PLCB1: variants seen among roughly 807,000 people sequenced by gnomAD.
PLCB1 encodes the protein phospholipase C beta 1.
PLCB1 carries 46 observed loss-of-function variants against 161.8 expected under a neutral mutation model. That is an observed-to-expected ratio of 0.28 (90% CI 0.22 to 0.36). The LOEUF (loss-of-function observed/expected upper bound fraction) is 0.36, where lower values mean the gene tolerates loss of function less well. Among genes scored for constraint, PLCB1 ranks in the 10% least tolerant of loss-of-function variants. PLCB1 has a pLI of 1.00. For missense variants in PLCB1, 1,016 were observed against 1,472.5 expected, an observed-to-expected ratio of 0.69 and a Z score of 5.07; for synonymous variants, 517 against 503.7, an observed-to-expected ratio of 1.03 and a Z score of -0.35.
At chr20:8,738,944 G>A (rs575649365) in intron 20 of PLCB1, among the ~76,000 whole-genome samples, 17 of 152,300 alleles carry the variant, frequency 1.1e-4, no homozygotes, top group African/African-American at 3.9e-4. Flanking sequence ...GAGGTCGGGA[G>A]TTCGAGACCA....
intron 3 of PLCB1, among the ~76,000 whole-genome samples, chr20:8,464,313 G>A (rs1981716655): frequency 6.6e-6 from 1 of 152,076 alleles, no homozygotes; most frequent in South Asian, 2.1e-4. Context: ...TAAATCTGAG[G>A]TTTGAGGTAA....
chr20:8,676,300 G>T (rs1990072603), intron 9 of PLCB1, among the ~76,000 whole-genome samples: 1 of 152,152 alleles, frequency 6.6e-6, no homozygotes, highest in African/African-American at 2.4e-5. Context: ...GGCAGAGGTT[G>T]CAGTGAGGCA....
chr20:8,329,634 T>C (rs775252559), intron 2 of PLCB1, among the ~76,000 whole-genome samples: 1 of 152,230 alleles, frequency 6.6e-6, no homozygotes, highest in Non-Finnish European at 1.5e-5. Context: ...TGTGCAATGA[T>C]AATGTCACTG....
intron 2 of PLCB1, among the ~76,000 whole-genome samples, chr20:8,340,598 TG>T (rs1222782884): frequency 6.6e-6 from 1 of 151,838 alleles, no homozygotes; most frequent in Admixed American, 6.6e-5. Flanking sequence ...AATTTTTTTG[TG>T]TTTTTTAGTA....
At chr20:8,797,742 A>G (rs142950073) in intron 31 of PLCB1, among the ~76,000 whole-genome samples, 1 of 152,274 alleles carries the variant, frequency 6.6e-6, no homozygotes, top group African/African-American at 2.4e-5. Flanking sequence ...TAGGCTCCTC[A>G]CCTTTCAAGG....
rs1018482943 is a variant in PLCB1 at position 8,303,429 on chromosome 20, A to G, written c.178-67953A>G. On this transcript the variant is annotated intron_variant, in intron 2 of 31. Transcript: ENST00000338037. ...GATTTTAAAAGAAATTTAGGTAAGA[A>G]ACTAGGGAAGTGATAAATCATGGCC... 1.1e-4 allele frequency among the ~76,000 whole-genome samples: 17 copies of G among 152,342 alleles called. 1 individual carries two copies. In the East Asian group the frequency reaches 3.3e-3, roughly 29 times the overall value.
At chr20:8,334,431 T>A (rs903559279) in intron 2 of PLCB1, among the ~76,000 whole-genome samples, 16 of 146,900 alleles carry the variant, frequency 1.1e-4, no homozygotes, top group Non-Finnish European at 2.0e-4. Flanking sequence ...GCATTCATTA[T>A]AAATATTCTT....
chr20:8,774,039 G>A (rs991282420), intron 26 of PLCB1, among the ~76,000 whole-genome samples: 13 of 148,966 alleles, frequency 8.7e-5, no homozygotes, highest in African/African-American at 2.9e-4. Flanking sequence ...ATCTGCACAC[G>A]GCATCTACAC....
At chr20:8,860,583 A>T (rs1380361344) in intron 31 of PLCB1, among the ~76,000 whole-genome samples, 2 of 152,350 alleles carry the variant, frequency 1.3e-5, no homozygotes, top group East Asian at 3.9e-4. Flanking sequence ...TGTTTACATT[A>T]GTAGGTCCCC....
intron 3 of PLCB1, among the ~76,000 whole-genome samples, chr20:8,410,634 T>A (rs1282123041): frequency 6.6e-6 from 1 of 152,172 alleles, no homozygotes; most frequent in Non-Finnish European, 1.5e-5. Flanking sequence ...CTTTTTTTTA[T>A]TTTTAAGTTA....
intron 2 of PLCB1, among the ~76,000 whole-genome samples, chr20:8,223,110 G>C (rs1385501541): frequency 6.6e-6 from 1 of 152,122 alleles, no homozygotes; most frequent in Non-Finnish European, 1.5e-5. Context: ...TTCTATTTCT[G>C]CCACAGCATC....
At chr20:8,589,407 C>G (rs1271451399) in intron 3 of PLCB1, among the ~76,000 whole-genome samples, 1 of 152,070 alleles carries the variant, frequency 6.6e-6, no homozygotes, top group Non-Finnish European at 1.5e-5. Context: ...GCTGGTATAA[C>G]AAATTACTGT....
chr20:8,396,185 A>G (rs1987763534), intron 3 of PLCB1, among the ~76,000 whole-genome samples: 2 of 152,080 alleles, frequency 1.3e-5, no homozygotes, highest in African/African-American at 2.4e-5. Context: ...CTAAAACCAT[A>G]TAACTACAGA....
intron 21 of PLCB1, 37 bp downstream of exon 21, chr20:8,739,397 T>C: frequency 7.8e-7 from 1 of 1,286,098 alleles, no homozygotes; most frequent in Non-Finnish European, 1.1e-6. Flanking sequence ...TTATCAAAGT[T>C]GCAAAGAAAA....
chr20:8,150,509 A>G, intron 2 of PLCB1, 138 bp downstream of exon 2: 1 of 468,130 alleles, frequency 2.1e-6, no homozygotes. Context: ...TTTAAAGAAT[A>G]TCTAAGGTAT....
In PLCB1 at chr20:8,733,784, TATAATAATAATAATAATA is replaced by T. The variant is rs199683575; in HGVS notation, c.2043+418_2043+435del. Among the ~76,000 whole-genome samples, 1,314 of 139,276 alleles carry T rather than the reference TATAATAATAATAATAATA, an allele frequency of 9.4e-3. 20 individuals are homozygous for T. The highest frequency in any genetic ancestry group is 0.032 in the African/African-American group (1,196 of 37,372). 91.4% of individuals were successfully genotyped at this position (139,276 alleles called of 152,430 possible). A position where few individuals can be genotyped will look rare whatever the true frequency, so the allele number is the denominator to read the frequency against. On this transcript the variant is annotated intron_variant, in intron 19 of 31. Transcript: ENST00000338037. ...TGCGCATGTACCCTAAAACTTAAAGTATAATAATAATAATAATAATAATAATAATAATAATAATAATAA... is the reference window on the plus strand; with the variant it reads ...TGCGCATGTACCCTAAAACTTAAAGTATAATAATAATAATAATAATAATAA...
intron 2 of PLCB1, among the ~76,000 whole-genome samples, chr20:8,214,120 C>T (rs1175072492): frequency 6.6e-6 from 1 of 152,090 alleles, no homozygotes; most frequent in Non-Finnish European, 1.5e-5. Context: ...ACGTAAGCTT[C>T]CAGCTTTGGG....
At chr20:8,238,905 G>A (rs771759902) in intron 2 of PLCB1, among the ~76,000 whole-genome samples, 2 of 151,852 alleles carry the variant, frequency 1.3e-5, no homozygotes, top group African/African-American at 4.8e-5. Flanking sequence ...AGAAGCTAAG[G>A]CCTGGGGAGG....
intron 3 of PLCB1, among the ~76,000 whole-genome samples, chr20:8,398,170 GCATGAAACTAAGCCTCC>G: frequency 6.6e-6 from 1 of 151,838 alleles, no homozygotes; most frequent in African/African-American, 2.4e-5. Flanking sequence ...TCTTACCTAT[GCATGAAACTAAGCCTCC>G]TTTCACATGT....
Sources: gnomAD v4.1 joint callset for allele counts (sites outside exome capture counted in the v4.1 genomes callset) on GRCh38, gnomAD v4.1.1 for gene constraint, MANE v1.5 for transcripts, NCBI Gene and HGNC (gene_info 2026-07-23, HGNC 2026-07-21) for gene names.